DOCK8: variants seen among roughly 807,000 people sequenced by gnomAD.
DOCK8 encodes the protein dedicator of cytokinesis protein 8.
In DOCK8, 141 loss-of-function variants were observed where a neutral mutation model predicts 245.6. The observed-to-expected ratio is 0.57, with a 90% CI of 0.50 to 0.66. The LOEUF (loss-of-function observed/expected upper bound fraction) is 0.66, where lower values mean the gene tolerates loss of function less well. DOCK8 is among the 30% of genes least tolerant of loss of function. DOCK8 has a pLI of 0.00. For synonymous variants in DOCK8, 1,168 were observed against 970.2 expected, an observed-to-expected ratio of 1.20 and a Z score of -3.79; for missense variants, 2,965 against 2,603.4, an observed-to-expected ratio of 1.14 and a Z score of -3.02.
At chr9:350,349 C>A (rs956881589) in intron 14 of DOCK8, among the ~76,000 whole-genome samples, 2 of 152,180 alleles carry the variant, frequency 1.3e-5, no homozygotes, top group African/African-American at 4.8e-5. Context: ...TAGCCTCAAG[C>A]AATCTTCCTA....
intron 1 of DOCK8, among the ~76,000 whole-genome samples, chr9:233,421 T>C (rs1447988831): frequency 6.6e-6 from 1 of 152,210 alleles, no homozygotes. Context: ...GTCTGCTTGG[T>C]GCAGAGCTGA....
Position 446,359 on chromosome 9 carries a change from T to C in DOCK8, c.5581-11T>C, listed in dbSNP as rs2057259601. The C allele has an allele frequency of 1.9e-6, 3 of 1,611,826 alleles. No individual in the cohort carries two copies. Among genetic ancestry groups the C allele is most frequent in the Non-Finnish European group, 2.5e-6 (3 of 1,177,884 alleles). ...AGCTCATCTTCTCCCTCCGTGCCTT[T>C]TCCCCCTTAGGCCTACATACAGATC... is the stretch of plus-strand genomic sequence containing the variant. On this transcript the variant is annotated splice_polypyrimidine_tract_variant and intron_variant, in intron 43 of 47. Coordinates refer to ENST00000432829, the MANE Select transcript of DOCK8 (RefSeq NM_203447.4).
rs185167807 is a variant in DOCK8 at position 310,646 on chromosome 9, C to T, written c.529-1308C>T. ...GCTAATTGTTTTGTATTTTTAGTAG[C>T]GATGGGGTTTCACCATATTGGCCAG... is the stretch of plus-strand genomic sequence containing the variant. On this transcript the variant is annotated intron_variant, in intron 5 of 47. Coordinates refer to ENST00000432829, the MANE Select transcript of DOCK8 (RefSeq NM_203447.4). Among the ~76,000 whole-genome samples, 976 of 152,126 alleles carry T rather than the reference C, an allele frequency of 6.4e-3. 11 individuals carry two copies. The highest frequency in any genetic ancestry group is 0.023 in the African/African-American group (946 of 41,528).
At chr9:403,860 C>CTA (rs1554693898) in intron 26 of DOCK8, among the ~76,000 whole-genome samples, 3 of 61,336 alleles carry the variant, frequency 4.9e-5, no homozygotes, top group African/African-American at 2.4e-4. Context: ...GACTCTGTAT[C>CTA]TCTCTCTCTC....
chr9:332,607 A>G (rs996727593), intron 10 of DOCK8, 129 bp downstream of exon 10: 2 of 515,840 alleles, frequency 3.9e-6, no homozygotes, highest in East Asian at 3.6e-5. Flanking sequence ...CTACATTTTA[A>G]TTAAATAAAA....
Position 420,476 on chromosome 9 carries a change from A to C in DOCK8, c.3916A>C (p.Asn1306His), listed in dbSNP as rs777983119. 2.5e-6 allele frequency: 4 copies of C among 1,613,996 alleles called. No individual in the cohort carries two copies. The highest frequency in any genetic ancestry group is 3.4e-6 in the Non-Finnish European group (4 of 1,180,032). The change falls in exon 31 of 48, where the codon AAT becomes CAT. Residue 1306 changes from asparagine to histidine, a missense_variant. By Grantham distance (68) the Asn-to-His change is moderately conservative. This residue lies in a region of DOCK8 where 2,825 missense variants were observed against 2,453.5 expected (regional missense o/e 1.15). Coordinates refer to ENST00000432829, the MANE Select transcript of DOCK8 (RefSeq NM_203447.4). The part of the protein sequence containing the change: ...LMICFLWIMK[N>H]ADQSLIRKWI... ...GATCTGCTTCCTCTGGATCATGAAAAATGCTGATCAGAGCCTCATTAGGAA... is the reference window on the plus strand; with the variant it reads ...GATCTGCTTCCTCTGGATCATGAAACATGCTGATCAGAGCCTCATTAGGAA...
At chr9:376,104 G>A (rs2053503711) in intron 18 of DOCK8, 106 bp from the exon 19 acceptor site, 3 of 845,672 alleles carry the variant, frequency 3.5e-6, no homozygotes, top group Non-Finnish European at 6.2e-6. Flanking sequence ...AGAGAGTTCT[G>A]TATTTGTATA....
rs141961156 is a variant in DOCK8, at chr9:311,963, C to A, written c.538C>A (p.Arg180Ser). The A allele has an allele frequency of 6.2e-7, 1 of 1,613,822 alleles. No individual in the cohort carries two copies. The highest frequency in any genetic ancestry group is 1.7e-5 in the Admixed American group (1 of 60,006). The change falls in exon 6 of 48, where the codon CGC becomes AGC. Residue 180 changes from arginine to serine, a missense_variant. Around this residue, in one of 3 missense-constraint regions of DOCK8, gnomAD observed 2,825 missense variants for 2,453.5 expected, o/e 1.15. Coordinates refer to ENST00000432829, the MANE Select transcript of DOCK8 (RefSeq NM_203447.4). ...CTGTTTTCTCTCACAGGCAGGCCCC[C>A]GCCACTTAAACGTGCTGTGCGACGT... ...CSEPAAQAGP[R>S]HLNVLCDVSG...
rs750125999 is a variant in DOCK8, at chr9:215,047, G to A, written c.53+18G>A. The A allele has an allele frequency of 1.1e-5, 17 of 1,566,350 alleles. No individual in the cohort carries two copies. Among genetic ancestry groups the A allele is most frequent in the Non-Finnish European group, 1.5e-5 (17 of 1,164,488 alleles). ...ATCAACAGGTAAGACGCCCCCCGCG[G>A]CGCGCAGGTTGCGGCCGGACAGCCC... is the stretch of plus-strand genomic sequence containing the variant. On this transcript the variant is annotated intron_variant, in intron 1 of 47. Transcript: ENST00000432829.
Position 420,391 on chromosome 9 carries a change from C to G in DOCK8, c.3841-10C>G. The G allele has an allele frequency of 6.2e-7, 1 of 1,614,106 alleles. No individual in the cohort carries two copies. The highest frequency in any genetic ancestry group is 8.5e-7 in the Non-Finnish European group (1 of 1,180,040). On this transcript the variant is annotated splice_polypyrimidine_tract_variant and intron_variant, in intron 30 of 47. Coordinates refer to ENST00000432829, the MANE Select transcript of DOCK8 (RefSeq NM_203447.4). ...CCCTGGCCTCCATCCCCCAATCTGC[C>G]TCCCTTCAGCCCTATAAGCAGTACA...
intron 23 of DOCK8, among the ~76,000 whole-genome samples, chr9:388,005 C>T (rs558358925): frequency 6.6e-6 from 1 of 152,290 alleles, no homozygotes; most frequent in South Asian, 2.1e-4. Flanking sequence ...TATATAACCT[C>T]CAGAGCAAGG....
At position 268,782 on chromosome 9, in the gene DOCK8, C is replaced by G. The variant is rs1182823239; in HGVS notation, c.54-2845C>G. On this transcript the variant is annotated intron_variant, in intron 1 of 47. Transcript: ENST00000432829. Reference sequence around the variant, plus strand: ...TTGGCCCTCCATGGCTTATGATCCTCTTTCAAGTAAGCAAATAAATGATTG... The same window carrying G: ...TTGGCCCTCCATGGCTTATGATCCTGTTTCAAGTAAGCAAATAAATGATTG... 3.3e-5 allele frequency among the ~76,000 whole-genome samples: 5 copies of G among 152,230 alleles called. No individual in the cohort carries two copies. The East Asian group carries it at 9.6e-4, about 29-fold the overall frequency.
rs188807172 is a variant in DOCK8 at position 217,004 on chromosome 9, A to T, written c.53+1975A>T. The stretch of plus-strand genomic sequence containing the variant: ...TTTGGTTTCTTTATGTGCCAAGTAG[A>T]GTTGATCATAGTACCTACTTCTTAT... On this transcript the variant is annotated intron_variant, in intron 1 of 47. Coordinates refer to ENST00000432829, the MANE Select transcript of DOCK8 (RefSeq NM_203447.4). Among the ~76,000 whole-genome samples the T allele has an allele frequency of 2.0e-4, 30 of 152,296 alleles. No homozygotes were observed. In the East Asian group the frequency reaches 4.4e-3, roughly 22 times the overall value.
At chr9:407,480 G>A (rs2131552486) in intron 28 of DOCK8, among the ~76,000 whole-genome samples, 2 of 152,318 alleles carry the variant, frequency 1.3e-5, no homozygotes, top group South Asian at 4.1e-4. Flanking sequence ...TGCTGAGAAG[G>A]CAGCTGTCCC....
intron 26 of DOCK8, among the ~76,000 whole-genome samples, chr9:403,828 G>A (rs1206465576): frequency 2.0e-5 from 3 of 146,964 alleles, no homozygotes; most frequent in Non-Finnish European, 3.0e-5. Context: ...TCATGCCACT[G>A]CACTCCAGTT....
intron 33 of DOCK8, among the ~76,000 whole-genome samples, chr9:425,761 GAA>G (rs375380501): frequency 2.0e-5 from 2 of 101,126 alleles, no homozygotes; most frequent in Non-Finnish European, 4.3e-5. Context: ...TGTCTCTAAG[GAA>G]AAAAAAAAAA....
intron 28 of DOCK8, among the ~76,000 whole-genome samples, chr9:412,457 G>C (rs1428255757): frequency 2.0e-5 from 3 of 150,278 alleles, no homozygotes; most frequent in South Asian, 2.1e-4. Flanking sequence ...ATTTAAATTG[G>C]AAAAGAAGTA....
intron 39 of DOCK8, among the ~76,000 whole-genome samples, chr9:437,329 G>C (rs1408505843): frequency 1.3e-5 from 2 of 152,140 alleles, no homozygotes; most frequent in African/African-American, 4.8e-5. Flanking sequence ...CCACAGTTTA[G>C]GTTTACATCT....
chr9:276,217 G>C (rs1012545203), intron 2 of DOCK8, among the ~76,000 whole-genome samples: 24 of 152,246 alleles, frequency 1.6e-4, no homozygotes, highest in African/African-American at 5.5e-4. Flanking sequence ...AAAGGTAGAC[G>C]TATTCCAAAT....
Sources: gnomAD v4.1 joint callset for allele counts (sites outside exome capture counted in the v4.1 genomes callset) on GRCh38, gnomAD v4.1.1 for gene constraint, gnomAD v4.1.1 regional missense constraint, MANE v1.5 for transcripts, NCBI Gene and HGNC (gene_info 2026-07-23, HGNC 2026-07-21) for gene names.